The following BTD variants were observed in gnomAD, a reference collection of about 807,000 sequenced individuals.
The protein encoded by BTD is biotinidase, also known as biocytinase.
BTD carries 13 observed loss-of-function variants against 17.7 expected under a neutral mutation model. The ratio of observed to expected loss-of-function variants is 0.74; its 90% CI spans 0.48 to 1.17. The LOEUF (loss-of-function observed/expected upper bound fraction) is 1.17, where lower values mean the gene tolerates loss of function less well. BTD is among the 50% of genes most tolerant of loss of function. BTD has a pLI of 0.00. For synonymous variants in BTD, 240 were observed against 245.2 expected, an observed-to-expected ratio of 0.98 and a Z score of 0.20; for missense variants, 674 against 650.4, an observed-to-expected ratio of 1.04 and a Z score of -0.39.
chr3:15,686,871 A>G (rs1470306912), intron 3 of BTD, among the ~76,000 whole-genome samples: 2 of 152,224 alleles, frequency 1.3e-5, no homozygotes, highest in African/African-American at 4.8e-5. Flanking sequence ...ATGTAAGAGA[A>G]TAACAGAATT....
intron 3 of BTD, chr3:15,679,409 T>A (rs1439298490): frequency 1.9e-6 from 3 of 1,613,444 alleles, no homozygotes; most frequent in Non-Finnish European, 2.5e-6. Context: ...AAGGTGATCA[T>A]TCTCACAGCA....
upstream of BTD, chr3:15,601,394 G>C: frequency 6.2e-7 from 1 of 1,614,044 alleles, no homozygotes; most frequent in Non-Finnish European, 8.5e-7. Flanking sequence ...TGCGTTTTCA[G>C]GGCCTGAGCG....
chr3:15,643,045 T>A (rs61648185), intron 3 of BTD, among the ~76,000 whole-genome samples: 7,041 of 141,828 alleles, frequency 0.05, 450 homozygotes, highest in African/African-American at 0.11. Flanking sequence ...AAAAAAAAAA[T>A]AAAATAAAAT....
Position 15,652,320 on chromosome 3 carries a change from C to A in BTD, c.*6832C>A, listed in dbSNP as rs1041937467. Among the ~76,000 whole-genome samples, 13 of 151,842 alleles carry A rather than the reference C, an allele frequency of 8.6e-5. No individual in the cohort carries two copies. The highest frequency in any genetic ancestry group is 3.1e-4 in the African/African-American group (13 of 41,364). On this transcript the variant is annotated 3_prime_UTR_variant, in exon 4 of 4. Coordinates refer to ENST00000643237, the MANE Select transcript of BTD (RefSeq NM_001370658.1). ...CAGTCTGGGCAACAGAGCGACACTC[C>A]GTCTCCAAAAAAAAAAGATACTGCA...
rs2065796747 is a variant in BTD at position 15,651,184 on chromosome 3, AG to A, written c.*5700del. 6.6e-6 allele frequency among the ~76,000 whole-genome samples: 1 copy of A among 152,214 alleles called. No homozygotes were observed. Among genetic ancestry groups the A allele is most frequent in the Admixed American group, 6.5e-5 (1 of 15,278 alleles). On this transcript the variant is annotated 3_prime_UTR_variant, in exon 4 of 4. Coordinates refer to ENST00000643237, the MANE Select transcript of BTD (RefSeq NM_001370658.1). ...GATTGAGGGGTGGGGACTGTTTCCC[AG>A]GGGAACACTGGGACAGCGTTACCAG...
intron 4 of BTD, among the ~76,000 whole-genome samples, chr3:15,721,533 T>G (rs572891272): frequency 3.3e-5 from 5 of 152,328 alleles, no homozygotes; most frequent in African/African-American, 1.2e-4. Flanking sequence ...ATGCACATTT[T>G]CATCTTTTTC....
At chr3:15,626,431 T>G (rs2065067042) in intron 1 of BTD, among the ~76,000 whole-genome samples, 1 of 152,130 alleles carries the variant, frequency 6.6e-6, no homozygotes, top group African/African-American at 2.4e-5. Flanking sequence ...CCCAATCCTG[T>G]ACTCCCAGCA....
intron 1 of BTD, among the ~76,000 whole-genome samples, chr3:15,625,418 T>C (rs564164717): frequency 1.3e-5 from 2 of 152,224 alleles, no homozygotes; most frequent in Non-Finnish European, 2.9e-5. Flanking sequence ...GGCAGAAGCA[T>C]GGGAGGATTT....
chr3:15,688,785 T>G (rs59304854), intron 3 of BTD, among the ~76,000 whole-genome samples: 1 of 152,152 alleles, frequency 6.6e-6, no homozygotes, highest in Non-Finnish European at 1.5e-5. Context: ...GACTTGGTTA[T>G]AGACCTTCGT....
chr3:15,607,842 C>T (rs1022269221), intron 1 of BTD, among the ~76,000 whole-genome samples: 3 of 152,124 alleles, frequency 2.0e-5, no homozygotes, highest in African/African-American at 7.2e-5. Context: ...AAAAACTGTA[C>T]AGCCGGAAAT....
chr3:15,682,617 T>C (rs190877326), intron 3 of BTD, among the ~76,000 whole-genome samples: 1 of 152,346 alleles, frequency 6.6e-6, no homozygotes, highest in East Asian at 1.9e-4. Flanking sequence ...TTTTAGTATC[T>C]ACAGCCAGTG....
intron 1 of BTD, among the ~76,000 whole-genome samples, chr3:15,610,969 A>AG (rs1001103709): frequency 2.6e-5 from 4 of 152,052 alleles, no homozygotes; most frequent in African/African-American, 9.7e-5. Context: ...AAAAAAAAAA[A>AG]ACAGGACTCC....
At position 15,601,830 on chromosome 3, in the gene BTD, T is replaced by G. The variant is rs2064254573; in HGVS notation, c.-81T>G. 4 of 1,614,148 alleles carry G rather than the reference T, an allele frequency of 2.5e-6. No homozygotes were observed. The highest frequency in any genetic ancestry group is 3.4e-6 in the Non-Finnish European group (4 of 1,180,032). ...TCTCCGAGTCGGCCAGCTGGAGCGT[T>G]TTCGGGGCTGTAAAGGGAGAATGGC... On this transcript the variant is annotated 5_prime_UTR_variant, in exon 1 of 4. Transcript: ENST00000643237.
chr3:15,625,274 TG>T (rs1300929281), intron 1 of BTD, among the ~76,000 whole-genome samples: 1 of 152,162 alleles, frequency 6.6e-6, no homozygotes. Flanking sequence ...CGGGACAGAA[TG>T]GGGCTAGAGT....
chr3:15,639,859 C>T (rs867538598), intron 2 of BTD, among the ~76,000 whole-genome samples: 12 of 152,268 alleles, frequency 7.9e-5, no homozygotes, highest in African/African-American at 2.9e-4. Flanking sequence ...CCTGTAATCC[C>T]AGCATTTTGG....
intron 3 of BTD, chr3:15,669,295 G>A (rs1033681250): frequency 6.6e-6 from 1 of 152,094 alleles, no homozygotes; most frequent in Non-Finnish European, 1.5e-5. Context: ...GGACACAAAA[G>A]TAACATAAGT....
rs182933778 is a variant in BTD, at chr3:15,721,182, T to A, written c.1016-588T>A. On this transcript the variant is annotated intron_variant, in intron 4 of 4. Coordinates refer to the BTD transcript ENST00000672427. ...AAAGTAGTTTTGCTAATTATCAATG[T>A]TGTGAGCTATTTTAGCAACCTGTGG... The A allele has an allele frequency of 6.2e-5, 93 of 1,496,518 alleles. 1 individual carries two copies. The highest frequency in any genetic ancestry group is 2.8e-5 in the African/African-American group (2 of 71,826). 92.7% of individuals were successfully genotyped at this position (1,496,518 alleles called of 1,614,324 possible).
chr3:15,722,363 AG>A (rs774451247), downstream of BTD, among the ~76,000 whole-genome samples: 2 of 152,218 alleles, frequency 1.3e-5, no homozygotes, highest in Non-Finnish European at 2.9e-5. Context: ...CACTGATGCC[AG>A]GGAAGAACAG....
At position 15,651,267 on chromosome 3, in the gene BTD, T is replaced by C. The variant is rs1244092017; in HGVS notation, c.*5779T>C. 6.6e-6 allele frequency among the ~76,000 whole-genome samples: 1 copy of C among 152,222 alleles called. No individual in the cohort carries two copies. The highest frequency in any genetic ancestry group is 6.5e-5 in the Admixed American group (1 of 15,278). On this transcript the variant is annotated 3_prime_UTR_variant, in exon 4 of 4. Coordinates refer to ENST00000643237, the MANE Select transcript of BTD (RefSeq NM_001370658.1). ...ACAGTAAATGTCCACGAGGCTTTTT[T>C]CCTCTGAGCAGAAATTTCACTGTGA...
Sources: allele counts gnomAD v4.1 joint callset (sites outside exome capture counted in the v4.1 genomes callset), GRCh38; gene constraint gnomAD v4.1.1; transcripts MANE v1.5; gene names NCBI Gene and HGNC (gene_info 2026-07-23, HGNC 2026-07-21).